The following MRPS33 variants were observed in gnomAD, a reference collection of about 807,000 sequenced individuals.
MRPS33 encodes small ribosomal subunit protein mS33.
A neutral mutation model predicts 11.2 loss-of-function variants in MRPS33; 11 were observed. The ratio of observed to expected loss-of-function variants is 0.99; its 90% confidence interval spans 0.62 to 1.63. The LOEUF (loss-of-function observed/expected upper bound fraction) is 1.63. Among genes scored for constraint, MRPS33 ranks in the 40% most tolerant of loss-of-function variants. MRPS33 has a pLI of 0.00. For synonymous variants in MRPS33, 46 were observed against 44.0 expected (o/e 1.05, Z -0.18); for missense variants, 109 against 127.8 (o/e 0.85, Z 0.71).
chr7:141,010,123 GCT>G, intron 2 of MRPS33: 1 of 264,704 alleles, frequency 3.8e-6, no homozygotes, highest in African/African-American at 2.3e-5. Context: ...TTTTTAGAGT[GCT>G]CTTAGATTAA....
chr7:141,014,154 G>A (rs111687394), intron 1 of MRPS33, among the ~76,000 whole-genome samples: 3 of 152,152 alleles, frequency 2.0e-5, no homozygotes, highest in Admixed American at 1.3e-4. Context: ...TTCTCTGCCA[G>A]GTTCTCTCAT....
chr7:141,009,959 A>G lies in MRPS33; in HGVS notation c.215+460T>C, dbSNP rs1820633321. The G allele has an allele frequency of 2.5e-5, 4 of 159,688 alleles. No homozygotes were observed. In the South Asian group the frequency reaches 5.4e-4, roughly 22 times the overall value. The allele number at this position is 159,688 out of a possible 1,614,324, so 9.9% of individuals were successfully genotyped here. A position where few individuals can be genotyped will look rare whatever the true frequency, so the allele number is the denominator to read the frequency against. Reference sequence around the variant, plus strand: ...GCTGGGACTACAGGCGTGCACCACCATGCCCAGCTAATTTTTGTATTTTTA... The same window carrying G: ...GCTGGGACTACAGGCGTGCACCACCGTGCCCAGCTAATTTTTGTATTTTTA... On this transcript the variant is annotated intron_variant, in intron 2 of 2. Coordinates refer to ENST00000324787, the MANE Select transcript of MRPS33 (RefSeq NM_053035.3).
Position 141,006,335 on chromosome 7 carries a change from G to C in MRPS33, c.*95C>G. On this transcript the variant is annotated 3_prime_UTR_variant, in exon 3 of 3. Coordinates refer to ENST00000324787, the MANE Select transcript of MRPS33 (RefSeq NM_053035.3). ...TGTTCCTCCAAATAAACTTCATTTA[G>C]GAAGATGACATTCCTCCAATAGGTG... 9.6e-7 allele frequency: 1 copy of C among 1,044,244 alleles called. No homozygotes were observed. Among genetic ancestry groups the C allele is most frequent in the South Asian group, 1.4e-5 (1 of 71,034 alleles). The allele number at this position is 1,044,244 out of a possible 1,614,324, so 64.7% of individuals were successfully genotyped here. A position where few individuals can be genotyped will look rare whatever the true frequency, so the allele number is the denominator to read the frequency against.
chr7:141,006,886 G>A (rs2129164267), intron 2 of MRPS33, among the ~76,000 whole-genome samples: 1 of 152,286 alleles, frequency 6.6e-6, no homozygotes, highest in East Asian at 1.9e-4. Flanking sequence ...GACAAAGTGG[G>A]AATCTGCTTC....
At position 141,010,575 on chromosome 7, in the gene MRPS33, C is replaced by T. The variant is rs1820652521; in HGVS notation, c.59G>A (p.Gly20Asp). ...GGAATTAGTAGGCCTGGTGACTTCA[C>T]CAAATAGCCGGGCACTGAGACGAGA... The part of the protein sequence containing the change: ...RMSRLSARLF[G>D]EVTRPTNSKS... Residue 20 changes from glycine to aspartate, a missense_variant, in exon 2 of 3, where the codon GGT becomes GAT. Transcript: ENST00000324787. 6.2e-7 allele frequency: 1 copy of T among 1,614,156 alleles called. No individual in the cohort carries two copies. The highest frequency in any genetic ancestry group is 8.5e-7 in the Non-Finnish European group (1 of 1,180,030).
chr7:141,006,485 C>T lies in MRPS33; in HGVS notation c.266G>A (p.Arg89His), dbSNP rs376426600. ...TCCTTTCTTTGGTTTCTCCTTTCCA[C>T]GAAGCTTCTTTAGTCGTTTTTGCTC... ...MDEQKRLKKL[R>H]GKEKPKKGEG... The change falls in exon 3 of 3, where the codon CGT becomes CAT. Residue 89 changes from arginine to histidine, a missense_variant. Coordinates refer to ENST00000324787, the MANE Select transcript of MRPS33 (RefSeq NM_053035.3). 4.2e-5 allele frequency: 67 copies of T among 1,613,920 alleles called. No individual in the cohort carries two copies. Among genetic ancestry groups the T allele is most frequent in the Non-Finnish European group, 5.4e-5 (64 of 1,180,036 alleles).
chr7:141,014,031 CCA>C (rs1820741671), intron 1 of MRPS33, among the ~76,000 whole-genome samples: 3 of 152,136 alleles, frequency 2.0e-5, no homozygotes, highest in African/African-American at 7.2e-5. Context: ...AGAGCTTTCT[CCA>C]GTTTCCCAAA....
chr7:141,010,361 C>T (rs139374580), intron 2 of MRPS33, 58 bp downstream of exon 2: 85 of 1,543,592 alleles, frequency 5.5e-5, no homozygotes, highest in Non-Finnish European at 6.9e-5. Flanking sequence ...AATTTTTTTC[C>T]TTTTCTGATC....
chr7:141,012,243 C>A (rs1267938736), intron 1 of MRPS33, among the ~76,000 whole-genome samples: 1 of 144,594 alleles, frequency 6.9e-6, no homozygotes, highest in Non-Finnish European at 1.5e-5. Flanking sequence ...ATTCAGAACA[C>A]CAACCAAGCA....
Position 141,003,226 on chromosome 7 carries a change from GCTAGT to G in MRPS33, c.*3199_*3203del, listed in dbSNP as rs1820447268. ...CAGAGAAATCCAATTAAACAAACTGGCTAGTCTAAACTTGGAGTTAAAGATTTTTT... is the reference window on the plus strand; with the variant it reads ...CAGAGAAATCCAATTAAACAAACTGGCTAAACTTGGAGTTAAAGATTTTTT... On this transcript the variant is annotated 3_prime_UTR_variant, in exon 3 of 3. Coordinates refer to ENST00000324787, the MANE Select transcript of MRPS33 (RefSeq NM_053035.3). The G allele has an allele frequency of 6.6e-6, 1 of 152,158 alleles. No homozygotes were observed. Among genetic ancestry groups the G allele is most frequent in the Admixed American group, 6.5e-5 (1 of 15,274 alleles). The allele number at this position is 152,158 out of a possible 1,614,324, so 9.4% of individuals were successfully genotyped here. A position where few individuals can be genotyped will look rare whatever the true frequency, so the allele number is the denominator to read the frequency against.
At chr7:141,013,735 C>G (rs1413488036) in intron 1 of MRPS33, among the ~76,000 whole-genome samples, 1 of 152,188 alleles carries the variant, frequency 6.6e-6, no homozygotes, top group Non-Finnish European at 1.5e-5. Flanking sequence ...ACAAATTACT[C>G]AAATGTGCTG....
At chr7:141,007,974 A>C (rs1248787879) in intron 2 of MRPS33, among the ~76,000 whole-genome samples, 2 of 152,126 alleles carry the variant, frequency 1.3e-5, no homozygotes, top group African/African-American at 4.8e-5. Flanking sequence ...GGACAGAAAG[A>C]AAGCTTTCTG....
intron 2 of MRPS33, among the ~76,000 whole-genome samples, chr7:141,008,550 C>T (rs928071864): frequency 6.6e-6 from 1 of 152,060 alleles, no homozygotes; most frequent in East Asian, 1.9e-4. Flanking sequence ...GTGGAAGGTA[C>T]GTAAGAAATA....
At position 141,004,369 on chromosome 7, in the gene MRPS33, AATTTT is replaced by A. The variant is rs1263638606; in HGVS notation, c.*2056_*2060del. 2 of 151,230 alleles carry A rather than the reference AATTTT, an allele frequency of 1.3e-5. No individual in the cohort carries two copies. The highest frequency in any genetic ancestry group is 2.1e-4 in the South Asian group (1 of 4,766). 9.4% of individuals were successfully genotyped at this position (151,230 alleles called of 1,614,324 possible). Reference sequence around the variant, plus strand: ...CACTTCTACCACATACAAACCACCCAATTTTATTTTATTTTATTTTTTTAAACAGG... The same window carrying A: ...CACTTCTACCACATACAAACCACCCAATTTTATTTTATTTTTTTAAACAGG... On this transcript the variant is annotated 3_prime_UTR_variant, in exon 3 of 3. Coordinates refer to ENST00000324787, the MANE Select transcript of MRPS33 (RefSeq NM_053035.3).
intron 1 of MRPS33, among the ~76,000 whole-genome samples, chr7:141,012,173 CAAA>C (rs56343833): frequency 0.11 from 6,449 of 58,746 alleles, 368 homozygotes; most frequent in Middle Eastern, 0.3. Context: ...GATTGTGTGT[CAAA>C]AAAAAAAAAA....
chr7:141,003,169 G>A lies in MRPS33; in HGVS notation c.*3261C>T, dbSNP rs1820446103. 1 of 152,170 alleles carries A rather than the reference G, an allele frequency of 6.6e-6. No homozygotes were observed. Among genetic ancestry groups the A allele is most frequent in the African/African-American group, 2.4e-5 (1 of 41,430 alleles). The allele number at this position is 152,170 out of a possible 1,614,324, so 9.4% of individuals were successfully genotyped here. On this transcript the variant is annotated 3_prime_UTR_variant, in exon 3 of 3. Transcript: ENST00000324787. ...TGGTCTATGCACACTGATCCCCACA[G>A]GTTAGAAAGCACCAATAGTTTAGGT... is the stretch of plus-strand genomic sequence containing the variant.
intron 2 of MRPS33, among the ~76,000 whole-genome samples, chr7:141,008,897 C>A (rs1414425970): frequency 6.6e-6 from 1 of 151,262 alleles, no homozygotes; most frequent in Non-Finnish European, 1.5e-5. Flanking sequence ...TGAGTTCAAG[C>A]GATTCTCCTG....
intron 1 of MRPS33, among the ~76,000 whole-genome samples, chr7:141,012,627 C>T (rs1166388666): frequency 3.3e-5 from 5 of 152,166 alleles, no homozygotes; most frequent in Non-Finnish European, 7.3e-5. Context: ...GTTGCTTCAT[C>T]AACTTTGCTT....
chr7:141,006,254 T>G lies in MRPS33; in HGVS notation c.*176A>C, dbSNP rs145819234. ...AAGATAATTTTGCACAGTTAGAATG[T>G]GTTCAAGAAACCAGCCACAATGTAA... On this transcript the variant is annotated 3_prime_UTR_variant, in exon 3 of 3. Transcript: ENST00000324787. 1,278 of 624,386 alleles carry G rather than the reference T, an allele frequency of 2.0e-3. 5 individuals are homozygous for G. Among genetic ancestry groups the G allele is most frequent in the Non-Finnish European group, 3.2e-3 (1,131 of 358,286 alleles). The allele number at this position is 624,386 out of a possible 1,614,324, so 38.7% of individuals were successfully genotyped here.
Sources: allele counts gnomAD v4.1 joint callset (sites outside exome capture counted in the v4.1 genomes callset), GRCh38; gene constraint gnomAD v4.1.1; transcripts MANE v1.5; gene names NCBI Gene and HGNC (gene_info 2026-07-23, HGNC 2026-07-21).